Variants in SBF2 observed in about 807,000 individuals in gnomAD.
SBF2 encodes the protein SET binding factor 2.
A neutral mutation model predicts 225.2 loss-of-function variants in SBF2; 112 were observed. The observed-to-expected ratio is 0.50, with a 90% confidence interval of 0.43 to 0.58. The LOEUF (loss-of-function observed/expected upper bound fraction) is 0.58. Among genes scored for constraint, SBF2 ranks in the 20% least tolerant of loss-of-function variants. The pLI is 0.00. For missense variants in SBF2, 1,996 were observed against 2,206.2 expected (o/e 0.90, Z 1.91); for synonymous variants, 763 against 773.3 (o/e 0.99, Z 0.22).
At chr11:9,796,529 A>G (rs2133873580) in intron 32 of SBF2, among the ~76,000 whole-genome samples, 1 of 152,316 alleles carries the variant, frequency 6.6e-6, no homozygotes, top group East Asian at 1.9e-4. Context: ...ACAGCAAGAG[A>G]TGTTTTCTGG....
chr11:9,916,207 TTTTC>T (rs1355616107), intron 16 of SBF2, among the ~76,000 whole-genome samples: 3 of 152,184 alleles, frequency 2.0e-5, no homozygotes, highest in African/African-American at 4.8e-5. Context: ...CTAGGGATAA[TTTTC>T]TTTATGACTT....
At chr11:10,027,720 A>T (rs1439287882) in intron 6 of SBF2, among the ~76,000 whole-genome samples, 1 of 152,166 alleles carries the variant, frequency 6.6e-6, no homozygotes, top group East Asian at 1.9e-4. Flanking sequence ...TTTCTTAAAT[A>T]ATGTAAAAGC....
In SBF2 at chr11:9,832,424, C is replaced by T. The variant is rs747861495; in HGVS notation, c.3456-4G>A. 3.7e-6 allele frequency: 6 copies of T among 1,608,310 alleles called. No individual in the cohort carries two copies. The highest frequency in any genetic ancestry group is 5.1e-6 in the Non-Finnish European group (6 of 1,175,262). ...TACGACTAAAAGGCCAGGATAGCTTCAGAGACATAGAATAGAGAAGAGAAT... is the reference window on the plus strand; with the variant it reads ...TACGACTAAAAGGCCAGGATAGCTTTAGAGACATAGAATAGAGAAGAGAAT... On this transcript the variant is annotated splice_region_variant and splice_polypyrimidine_tract_variant and intron_variant, in intron 26 of 39. Coordinates refer to ENST00000256190, the MANE Select transcript of SBF2 (RefSeq NM_030962.4).
At chr11:9,983,760 T>C (rs1188078513) in intron 13 of SBF2, among the ~76,000 whole-genome samples, 2 of 152,134 alleles carry the variant, frequency 1.3e-5, no homozygotes, top group African/African-American at 4.8e-5. Flanking sequence ...CAGGACTCTG[T>C]GCAGACAATC....
intron 30 of SBF2, 96 bp from the exon 31 acceptor site, chr11:9,809,098 A>G (rs988480300): frequency 3.4e-5 from 29 of 862,700 alleles, no homozygotes; most frequent in Non-Finnish European, 5.1e-5. Context: ...CAAACGACTT[A>G]GGGATAAAGC....
intron 2 of SBF2, among the ~76,000 whole-genome samples, chr11:10,167,165 T>C (rs1195471823): frequency 1.3e-5 from 2 of 152,224 alleles, no homozygotes; most frequent in African/African-American, 2.4e-5. Context: ...TTTGAAATTT[T>C]TGAATTATAT....
At chr11:10,080,849 G>A (rs918977096) in intron 2 of SBF2, among the ~76,000 whole-genome samples, 2 of 151,752 alleles carry the variant, frequency 1.3e-5, no homozygotes, top group Non-Finnish European at 2.9e-5. Context: ...TACATCAACA[G>A]TAGTAAAAAA....
intron 16 of SBF2, among the ~76,000 whole-genome samples, chr11:9,910,702 T>TAAA (rs201982974): frequency 6.7e-6 from 1 of 148,778 alleles, no homozygotes; most frequent in Non-Finnish European, 1.5e-5. Flanking sequence ...GTTTAAAAAG[T>TAAA]AAAAAAAAAA....
chr11:10,223,434 T>TATAG (rs1314923957), intron 1 of SBF2, among the ~76,000 whole-genome samples: 2 of 122,632 alleles, frequency 1.6e-5, no homozygotes, highest in East Asian at 2.2e-4. Flanking sequence ...TATATATATA[T>TATAG]ATATATATAG....
Position 9,877,905 on chromosome 11 carries a change from T to C in SBF2, c.1929+18038A>G, listed in dbSNP as rs183869404. Among the ~76,000 whole-genome samples, 420 of 152,348 alleles carry C rather than the reference T, an allele frequency of 2.8e-3. 1 individual carries two copies. Among genetic ancestry groups the C allele is most frequent in the African/African-American group, 9.6e-3 (399 of 41,584 alleles). On this transcript the variant is annotated intron_variant, in intron 17 of 39. Coordinates refer to ENST00000256190, the MANE Select transcript of SBF2 (RefSeq NM_030962.4). ...AGCATGATTTATAATCCTTTGGGTA[T>C]ATACCCAGTAATGGGATCACTGGGT... is the stretch of plus-strand genomic sequence containing the variant.
intron 6 of SBF2, among the ~76,000 whole-genome samples, chr11:10,004,574 TA>T (rs763688115): frequency 0.053 from 4,543 of 85,552 alleles, 198 homozygotes; most frequent in East Asian, 0.23. Context: ...CTACAAAAAT[TA>T]AAAAAAAAAA....
intron 1 of SBF2, among the ~76,000 whole-genome samples, chr11:10,272,519 C>G (rs1446009494): frequency 6.6e-6 from 1 of 152,206 alleles, no homozygotes; most frequent in African/African-American, 2.4e-5. Context: ...GCCAGGCACA[C>G]TGGCTTACGC....
chr11:10,157,022 A>G (rs1367016242), intron 2 of SBF2, among the ~76,000 whole-genome samples: 1 of 152,198 alleles, frequency 6.6e-6, no homozygotes, highest in Non-Finnish European at 1.5e-5. Flanking sequence ...AAACTACACT[A>G]CGGGGCTACA....
intron 32 of SBF2, among the ~76,000 whole-genome samples, chr11:9,796,902 C>T (rs1362800861): frequency 1.3e-5 from 2 of 152,128 alleles, no homozygotes; most frequent in African/African-American, 4.8e-5. Context: ...ATGCTTTAGG[C>T]AAACCGTATA....
At chr11:10,030,283 G>A (rs1017003853) in intron 4 of SBF2, among the ~76,000 whole-genome samples, 2 of 152,150 alleles carry the variant, frequency 1.3e-5, no homozygotes, top group Non-Finnish European at 2.9e-5. Context: ...TTTAACATGT[G>A]AATTGTAAGA....
At chr11:10,236,569 C>T (rs1229297234) in intron 1 of SBF2, among the ~76,000 whole-genome samples, 1 of 152,170 alleles carries the variant, frequency 6.6e-6, no homozygotes, top group East Asian at 1.9e-4. Flanking sequence ...AAGCAATTCT[C>T]CTGCCTCAGC....
chr11:10,185,719 T>C (rs1388963612), intron 2 of SBF2, among the ~76,000 whole-genome samples: 1 of 152,094 alleles, frequency 6.6e-6, no homozygotes, highest in Non-Finnish European at 1.5e-5. Context: ...TTAGCATCTT[T>C]TCGTGTGCTT....
chr11:10,252,956 T>G (rs1335696676), intron 1 of SBF2, among the ~76,000 whole-genome samples: 1 of 152,130 alleles, frequency 6.6e-6, no homozygotes, highest in African/African-American at 2.4e-5. Flanking sequence ...ACCACGTGGC[T>G]GCACTGGAGT....
At chr11:9,858,516 T>C in intron 17 of SBF2, 120 bp from the exon 18 acceptor site, 3 of 1,043,398 alleles carry the variant, frequency 2.9e-6, no homozygotes, top group Middle Eastern at 2.6e-4. Context: ...GAATATCGTA[T>C]GGTAGTACAG....
Sources: gnomAD v4.1 joint callset for allele counts (sites outside exome capture counted in the v4.1 genomes callset) on GRCh38, gnomAD v4.1.1 for gene constraint, MANE v1.5 for transcripts, NCBI Gene and HGNC (gene_info 2026-07-23, HGNC 2026-07-21) for gene names.